Variants in CTIF observed in about 807,000 individuals in gnomAD.
The protein encoded by CTIF is CBP80/20-dependent translation initiation factor.
CTIF carries 21 observed loss-of-function variants against 66.0 expected under a neutral mutation model. The observed-to-expected ratio is 0.32, with a 90% CI of 0.23 to 0.46. CTIF has a LOEUF of 0.46. Ranked by LOEUF, CTIF falls within the 20% of genes least tolerant of loss-of-function variation. CTIF has a pLI of 1.00. For synonymous variants in CTIF, 345 were observed against 326.4 expected, an observed-to-expected ratio of 1.06 and a Z score of -0.62; for missense variants, 739 against 812.7, an observed-to-expected ratio of 0.91 and a Z score of 1.10.
At chr18:48,852,076 T>A (rs1019872981) in intron 10 of CTIF, among the ~76,000 whole-genome samples, 16 of 151,050 alleles carry the variant, frequency 1.1e-4, no homozygotes, top group East Asian at 2.0e-4. Context: ...TAGTAAAAAA[T>A]TTTTTAAAAA....
intron 10 of CTIF, among the ~76,000 whole-genome samples, chr18:48,819,475 G>A (rs1044800795): frequency 6.6e-6 from 1 of 152,210 alleles, no homozygotes; most frequent in East Asian, 1.9e-4. Context: ...GTCGTCACCT[G>A]CTCCTCCGAG....
intron 6 of CTIF, among the ~76,000 whole-genome samples, chr18:48,704,484 A>T (rs1201665899): frequency 6.6e-6 from 1 of 152,208 alleles, no homozygotes; most frequent in Non-Finnish European, 1.5e-5. Flanking sequence ...CGGGGCCGCC[A>T]TAACAAAGGA....
At position 48,644,842 on chromosome 18, in the gene CTIF, G is replaced by A. The variant is rs536491362; in HGVS notation, c.252+8157G>A. Among the ~76,000 whole-genome samples, 32 of 152,300 alleles carry A rather than the reference G, an allele frequency of 2.1e-4. No individual in the cohort carries two copies. The South Asian group carries it at 4.1e-3, about 20-fold the overall frequency. ...GCAAAGTGGGAGCCGCCATGATGTC[G>A]CGGAAGCAGCATTGCACCTGGGTTT... On this transcript the variant is annotated intron_variant, in intron 3 of 11. Transcript: ENST00000256413.
chr18:48,702,101 A>G lies in CTIF; in HGVS notation c.508-9518A>G, dbSNP rs185954961. Among the ~76,000 whole-genome samples, 126 of 152,340 alleles carry G rather than the reference A, an allele frequency of 8.3e-4. 1 individual carries two copies. Among genetic ancestry groups the G allele is most frequent in the African/African-American group, 2.9e-3 (121 of 41,582 alleles). Reference sequence around the variant, plus strand: ...GAGGGCAGAATGGGATATTAAAAGAATGGTCCATGGTGATCCAGGCTTAGC... The same window carrying G: ...GAGGGCAGAATGGGATATTAAAAGAGTGGTCCATGGTGATCCAGGCTTAGC... On this transcript the variant is annotated intron_variant, in intron 6 of 11. Transcript: ENST00000256413.
intron 9 of CTIF, among the ~76,000 whole-genome samples, chr18:48,774,063 C>T (rs1910426470): frequency 6.6e-6 from 1 of 152,140 alleles, no homozygotes; most frequent in East Asian, 1.9e-4. Flanking sequence ...AGACAGCCAC[C>T]AAGAGGTCAG....
In CTIF at chr18:48,663,757, C is replaced by T. The variant is rs142723132; in HGVS notation, c.258C>T (p.Gly86=). Residue 86 remains glycine (G), a synonymous_variant, in exon 4 of 12, where the codon GGC becomes GGT. Coordinates refer to ENST00000256413, the MANE Select transcript of CTIF (RefSeq NM_014772.3). ...SRGRAPPQQN[G]SKDNSLDMLG... ...TTCACCCCCATCTCTTCCAGAATGG[C>T]AGCAAAGACAACTCTCTGGACATGC... 82 of 1,613,944 alleles carry T rather than the reference C, an allele frequency of 5.1e-5. No individual in the cohort carries two copies. The highest frequency in any genetic ancestry group is 6.7e-5 in the Non-Finnish European group (79 of 1,179,952).
chr18:48,662,889 A>T (rs1168991806), intron 3 of CTIF, among the ~76,000 whole-genome samples: 1 of 152,006 alleles, frequency 6.6e-6, no homozygotes, highest in African/African-American at 2.4e-5. Flanking sequence ...ACCACGGTTT[A>T]TTTATCGAAT....
At chr18:48,539,698 G>A (rs1017380926) in intron 1 of CTIF, 3 of 152,640 alleles carry the variant, frequency 2.0e-5, no homozygotes, top group Non-Finnish European at 2.9e-5. Flanking sequence ...GTCATGTGCC[G>A]GGTTCCGACC....
intron 7 of CTIF, among the ~76,000 whole-genome samples, chr18:48,732,586 A>G (rs1043047778): frequency 6.6e-6 from 1 of 152,208 alleles, no homozygotes; most frequent in Non-Finnish European, 1.5e-5. Flanking sequence ...ACAAGAGCCC[A>G]AAGCATCTTC....
At chr18:48,763,319 G>T (rs964832882) in intron 9 of CTIF, among the ~76,000 whole-genome samples, 9 of 152,210 alleles carry the variant, frequency 5.9e-5, no homozygotes, top group African/African-American at 2.2e-4. Context: ...TGGCTGCAGG[G>T]GCCATCTCAG....
At chr18:48,730,555 T>C (rs868673307) in intron 7 of CTIF, among the ~76,000 whole-genome samples, 1 of 30,658 alleles carries the variant, frequency 3.3e-5, no homozygotes, top group South Asian at 3.1e-3. Context: ...GCTTCTGCTG[T>C]GTGAGGGGCT....
intron 9 of CTIF, among the ~76,000 whole-genome samples, chr18:48,791,518 C>T (rs771781692): frequency 5.3e-5 from 8 of 152,256 alleles, no homozygotes; most frequent in Non-Finnish European, 1.2e-4. Flanking sequence ...GTGGAAGCCC[C>T]TCCCTCCCAC....
chr18:48,785,812 C>T (rs1911651295), intron 9 of CTIF, among the ~76,000 whole-genome samples: 1 of 152,196 alleles, frequency 6.6e-6, no homozygotes, highest in Non-Finnish European at 1.5e-5. Flanking sequence ...AATGCCCAGG[C>T]TATGCCCCAA....
intron 3 of CTIF, among the ~76,000 whole-genome samples, chr18:48,642,983 A>G (rs1387927092): frequency 1.3e-5 from 2 of 152,216 alleles, no homozygotes; most frequent in African/African-American, 4.8e-5. Context: ...CACATTAAGA[A>G]GTACAACGCT....
chr18:48,549,944 C>CT (rs150226359), intron 1 of CTIF, among the ~76,000 whole-genome samples: 17 of 151,942 alleles, frequency 1.1e-4, no homozygotes, highest in African/African-American at 4.1e-4. Context: ...ATTAGCTTTA[C>CT]TTTTTTTTAT....
chr18:48,762,994 T>C (rs1909158546), intron 9 of CTIF, among the ~76,000 whole-genome samples: 1 of 152,182 alleles, frequency 6.6e-6, no homozygotes, highest in Admixed American at 6.5e-5. Context: ...TTCCCATTCC[T>C]GGATCGCCCG....
chr18:48,643,136 T>C (rs2090964638), intron 3 of CTIF, among the ~76,000 whole-genome samples: 2 of 152,146 alleles, frequency 1.3e-5, no homozygotes, highest in African/African-American at 4.8e-5. Flanking sequence ...CTCAAATCCT[T>C]GATGGAACTC....
intron 6 of CTIF, among the ~76,000 whole-genome samples, chr18:48,708,984 G>T (rs1297397079): frequency 6.6e-6 from 1 of 152,196 alleles, no homozygotes; most frequent in Admixed American, 6.5e-5. Flanking sequence ...TAACGATGAT[G>T]ATGATGATGA....
chr18:48,562,891 A>G (rs1352463358), intron 1 of CTIF, among the ~76,000 whole-genome samples: 1 of 152,238 alleles, frequency 6.6e-6, no homozygotes, highest in South Asian at 2.1e-4. Flanking sequence ...TCCCTGGGCC[A>G]GAGTGATTTG....
Sources: allele counts gnomAD v4.1 joint callset (sites outside exome capture counted in the v4.1 genomes callset), GRCh38; gene constraint gnomAD v4.1.1; transcripts MANE v1.5; gene names NCBI Gene and HGNC (gene_info 2026-07-23, HGNC 2026-07-21).